C1orf21: variants seen among roughly 807,000 people sequenced by gnomAD.
The protein encoded by C1orf21 is uncharacterized protein C1orf21.
In C1orf21, 3 loss-of-function variants were observed where a neutral mutation model predicts 18.7. That is an observed-to-expected ratio of 0.16 (90% confidence interval 0.07 to 0.42). The LOEUF (loss-of-function observed/expected upper bound fraction) is 0.42, where lower values mean the gene tolerates loss of function less well. C1orf21 is among the 10% of genes least tolerant of loss of function. The pLI is 0.99. For missense variants in C1orf21, 104 were observed against 143.6 expected, an observed-to-expected ratio of 0.72 and a Z score of 1.41; for synonymous variants, 41 against 46.4, an observed-to-expected ratio of 0.88 and a Z score of 0.47.
At chr1:184,489,875 A>G (rs1285385745) in intron 2 of C1orf21, among the ~76,000 whole-genome samples, 1 of 152,210 alleles carries the variant, frequency 6.6e-6, no homozygotes, top group Admixed American at 6.5e-5. Flanking sequence ...GTGAAGTTTC[A>G]GGTGATTCTT....
intron 3 of C1orf21, chr1:184,567,025 A>G (rs1410438029): frequency 1.9e-6 from 1 of 516,870 alleles, no homozygotes; most frequent in South Asian, 1.4e-5. Flanking sequence ...GAACTTGAAG[A>G]GACGGGAACA....
At chr1:184,613,046 G>A (rs1301321428) in intron 5 of C1orf21, among the ~76,000 whole-genome samples, 1 of 152,048 alleles carries the variant, frequency 6.6e-6, no homozygotes, top group Non-Finnish European at 1.5e-5. Context: ...CACCTCCTGA[G>A]TTCAAGTGAT....
chr1:184,389,167 G>C (rs957453211), intron 1 of C1orf21, among the ~76,000 whole-genome samples: 3 of 152,042 alleles, frequency 2.0e-5, no homozygotes, highest in African/African-American at 7.3e-5. Context: ...GTGCAAACCT[G>C]CTTCAGAGAA....
At chr1:184,506,579 T>C (rs1658064763) in intron 2 of C1orf21, among the ~76,000 whole-genome samples, 1 of 152,220 alleles carries the variant, frequency 6.6e-6, no homozygotes, top group Non-Finnish European at 1.5e-5. Flanking sequence ...TCATGCTATA[T>C]GCCAGACAAT....
chr1:184,446,166 A>G (rs1657026718), intron 1 of C1orf21, among the ~76,000 whole-genome samples: 1 of 152,038 alleles, frequency 6.6e-6, no homozygotes, highest in Non-Finnish European at 1.5e-5. Context: ...ATTGCGATGG[A>G]TGTCAGTTAT....
rs531577432 is a variant in C1orf21, at chr1:184,525,243, G to T, written c.189+17561G>T. 2.3e-3 allele frequency among the ~76,000 whole-genome samples: 356 copies of T among 151,854 alleles called. 1 individual carries two copies. Among genetic ancestry groups the T allele is most frequent in the African/African-American group, 8.3e-3 (343 of 41,436 alleles). On this transcript the variant is annotated intron_variant, in intron 3 of 5. Coordinates refer to ENST00000235307, the MANE Select transcript of C1orf21 (RefSeq NM_030806.4). ...TTGGATGATTATTCTCATACCATTG[G>T]TTTCCATGGAAAGTTGACTTTCAGT... is the stretch of plus-strand genomic sequence containing the variant.
At chr1:184,573,902 A>G (rs1225428276) in intron 3 of C1orf21, among the ~76,000 whole-genome samples, 2 of 152,234 alleles carry the variant, frequency 1.3e-5, no homozygotes, top group Admixed American at 6.5e-5. Context: ...TTCAAAGTAG[A>G]AATGAAGATA....
At chr1:184,603,578 T>A (rs921497349) in intron 5 of C1orf21, among the ~76,000 whole-genome samples, 5 of 152,214 alleles carry the variant, frequency 3.3e-5, no homozygotes, top group Non-Finnish European at 7.3e-5. Flanking sequence ...GTGGATCACC[T>A]GAGGTCAGGA....
At chr1:184,609,568 G>A (rs1659697990) in intron 5 of C1orf21, among the ~76,000 whole-genome samples, 1 of 152,212 alleles carries the variant, frequency 6.6e-6, no homozygotes, top group African/African-American at 2.4e-5. Context: ...TACCAAGTGG[G>A]TTTTCCCAGG....
At chr1:184,442,819 A>AAGGAATATG (rs1198085177) in intron 1 of C1orf21, among the ~76,000 whole-genome samples, 67 of 152,276 alleles carry the variant, frequency 4.4e-4, no homozygotes, top group Admixed American at 1.2e-3. Flanking sequence ...TTCTAAATCA[A>AAGGAATATG]AGGAATATGT....
chr1:184,534,418 T>C (rs1051658262), intron 3 of C1orf21, among the ~76,000 whole-genome samples: 4 of 152,184 alleles, frequency 2.6e-5, no homozygotes, highest in African/African-American at 9.7e-5. Flanking sequence ...CAAATCTGGG[T>C]CTTCTCATTC....
chr1:184,583,462 A>G (rs1659310225), intron 3 of C1orf21, among the ~76,000 whole-genome samples: 1 of 152,198 alleles, frequency 6.6e-6, no homozygotes, highest in Non-Finnish European at 1.5e-5. Context: ...GCCCCTAAAT[A>G]TTAATAATAA....
intron 1 of C1orf21, among the ~76,000 whole-genome samples, chr1:184,410,608 CCATATATATTATATATATATATATA>C (rs1656317626): frequency 1.9e-5 from 1 of 53,976 alleles, no homozygotes; most frequent in Non-Finnish European, 2.9e-5. Flanking sequence ...GATTAATTTG[CCATATATATTATATATATATATATA>C]TATATATATA....
chr1:184,496,471 G>A (rs1657895943), intron 2 of C1orf21, among the ~76,000 whole-genome samples: 1 of 152,226 alleles, frequency 6.6e-6, no homozygotes, highest in South Asian at 2.1e-4. Context: ...CTCAGATCCA[G>A]TGGGAGCGGT....
At chr1:184,613,741 A>G (rs73046776) in intron 5 of C1orf21, among the ~76,000 whole-genome samples, 326 of 152,312 alleles carry the variant, frequency 2.1e-3, no homozygotes, top group Non-Finnish European at 3.6e-3. Context: ...TTAGGTACCC[A>G]AAATACAAAG....
chr1:184,493,287 A>AT (rs1657844965), intron 2 of C1orf21, among the ~76,000 whole-genome samples: 1 of 152,212 alleles, frequency 6.6e-6, no homozygotes, highest in Non-Finnish European at 1.5e-5. Flanking sequence ...TCATAGTAAT[A>AT]ATCTGTGCTG....
At chr1:184,440,443 G>A (rs1010898295) in intron 1 of C1orf21, among the ~76,000 whole-genome samples, 4 of 151,874 alleles carry the variant, frequency 2.6e-5, no homozygotes, top group Non-Finnish European at 4.4e-5. Context: ...GTAGAGACAG[G>A]GTTTCACCAT....
intron 4 of C1orf21, among the ~76,000 whole-genome samples, chr1:184,596,873 CAAAAAA>C (rs11291932): frequency 1.1e-4 from 14 of 123,480 alleles, no homozygotes; most frequent in African/African-American, 4.0e-4. Flanking sequence ...GACTCTGTCT[CAAAAAA>C]AAAAAAAAAG....
At chr1:184,555,235 G>A (rs1658861587) in intron 3 of C1orf21, among the ~76,000 whole-genome samples, 1 of 152,182 alleles carries the variant, frequency 6.6e-6, no homozygotes, top group Non-Finnish European at 1.5e-5. Context: ...CTTATCAGCT[G>A]CGTGGAACCA....
Sources: allele counts gnomAD v4.1 joint callset (sites outside exome capture counted in the v4.1 genomes callset), GRCh38; gene constraint gnomAD v4.1.1; transcripts MANE v1.5; gene names NCBI Gene and HGNC (gene_info 2026-07-23, HGNC 2026-07-21).